Variants in SELENOS observed in about 807,000 individuals in gnomAD.
SELENOS encodes VCP interacting membrane selenoprotein.
In SELENOS, 37 loss-of-function variants were observed where a neutral mutation model predicts 30.2. The ratio of observed to expected loss-of-function variants is 1.23; its 90% CI spans 0.94 to 1.61. The LOEUF (loss-of-function observed/expected upper bound fraction) is 1.61, where lower values mean the gene tolerates loss of function less well. SELENOS is among the 40% of genes most tolerant of loss of function. The probability of loss-of-function intolerance (pLI) is 0.00; values close to 1 mark genes in which losing one functional copy is unlikely to be tolerated. For missense variants in SELENOS, 289 were observed against 231.8 expected, an observed-to-expected ratio of 1.25 and a Z score of -1.60; for synonymous variants, 119 against 91.6, an observed-to-expected ratio of 1.30 and a Z score of -1.71.
chr15:101,271,630 C>G (rs2039268820), downstream of SELENOS: 1 of 152,206 alleles, frequency 6.6e-6, no homozygotes, highest in Non-Finnish European at 1.5e-5. Context: ...CAAGAAGCAA[C>G]CACGGAATAT....
Position 101,274,925 on chromosome 15 carries a change from C to T in SELENOS, c.319-244G>A, listed in dbSNP as rs548042710. On this transcript the variant is annotated intron_variant, in intron 3 of 5. Transcript: ENST00000526049. ...GAAAAAGATTACTGACTCCATTCTT[C>T]TGAAACTCACTCCTGTCAGGACATT... 5.1e-6 allele frequency: 3 copies of T among 588,022 alleles called. No homozygotes were observed. In the South Asian group the frequency reaches 6.7e-5, roughly 13 times the overall value. 36.4% of individuals were successfully genotyped at this position (588,022 alleles called of 1,614,324 possible). A position where few individuals can be genotyped will look rare whatever the true frequency, so the allele number is the denominator to read the frequency against.
rs1057142541 is a variant in SELENOS at position 101,274,331 on chromosome 15, A to T, written c.484+89T>A. On this transcript the variant is annotated intron_variant, in intron 5 of 5. Transcript: ENST00000526049. ...CTAAGGAATTAGTCTTAATTTATGG[A>T]CAAAGAAACAAACAATCTTGTTCCT... The T allele has an allele frequency of 3.9e-5, 55 of 1,423,280 alleles. No individual in the cohort carries two copies. The South Asian group carries it at 6.6e-4, about 17-fold the overall frequency. The allele number at this position is 1,423,280 out of a possible 1,614,324, so 88.2% of individuals were successfully genotyped here. A position where few individuals can be genotyped will look rare whatever the true frequency, so the allele number is the denominator to read the frequency against.
intron 3 of SELENOS, chr15:101,275,053 T>G (rs1472760700): frequency 1.7e-6 from 1 of 577,996 alleles, no homozygotes; most frequent in African/African-American, 1.9e-5. Context: ...TGGTAATATA[T>G]TCACACATCT....
At position 101,277,421 on chromosome 15, in the gene SELENOS, C is replaced by G. The variant is rs752914998; in HGVS notation, c.-4G>C. On this transcript the variant is annotated 5_prime_UTR_variant, in exon 1 of 6. Transcript: ENST00000526049. ...GAGACTCCTCTTGGCGTTCCATGAC[C>G]GCCGCCGCCGCCGCCGCCCAGCCCT... 2.1e-6 allele frequency: 3 copies of G among 1,431,302 alleles called. No individual in the cohort carries two copies. The highest frequency in any genetic ancestry group is 2.7e-6 in the Non-Finnish European group (3 of 1,097,052). 88.7% of individuals were successfully genotyped at this position (1,431,302 alleles called of 1,614,324 possible).
Sources: allele counts gnomAD v4.1 joint callset, GRCh38; gene constraint gnomAD v4.1.1; transcripts MANE v1.5; gene names NCBI Gene and HGNC (gene_info 2026-07-23, HGNC 2026-07-21).